The following PTPRD variants were observed in gnomAD, a reference collection of about 807,000 sequenced individuals.
PTPRD encodes the protein receptor-type tyrosine-protein phosphatase delta.
Under a neutral mutation model 214.5 loss-of-function variants are expected in PTPRD, and 34 were observed. The ratio of observed to expected loss-of-function variants is 0.16; its 90% CI spans 0.12 to 0.21. PTPRD has a LOEUF of 0.21. PTPRD is among the 10% of genes least tolerant of loss of function. The pLI is 1.00. For synonymous variants in PTPRD, 1,128 were observed against 845.7 expected (o/e 1.33, Z -5.79); for missense variants, 2,545 against 2,398.7 (o/e 1.06, Z -1.27).
At chr9:9,352,838 G>T (rs1176472120) in intron 9 of PTPRD, among the ~76,000 whole-genome samples, 2 of 151,926 alleles carry the variant, frequency 1.3e-5, no homozygotes, top group Non-Finnish European at 2.9e-5. Flanking sequence ...TTGAGAAAAA[G>T]TCATGCATAA....
chr9:8,625,322 T>C (rs529808501), intron 14 of PTPRD, among the ~76,000 whole-genome samples: 1 of 151,988 alleles, frequency 6.6e-6, no homozygotes, highest in African/African-American at 2.4e-5. Flanking sequence ...TATGAGCACA[T>C]ACTTTTCTAC....
intron 11 of PTPRD, among the ~76,000 whole-genome samples, chr9:8,751,242 T>A (rs958346367): frequency 3.3e-5 from 5 of 152,124 alleles, no homozygotes; most frequent in African/African-American, 7.2e-5. Flanking sequence ...TTAGAATTTT[T>A]ACTTAAAAAG....
intron 3 of PTPRD, among the ~76,000 whole-genome samples, chr9:10,035,209 GC>G (rs1199323477): frequency 1.3e-4 from 20 of 152,144 alleles, no homozygotes; most frequent in African/African-American, 4.8e-4. Flanking sequence ...TCAATGATGA[GC>G]TTTTTTTCAA....
At chr9:10,080,599 C>T (rs1388231429) in intron 3 of PTPRD, among the ~76,000 whole-genome samples, 2 of 152,068 alleles carry the variant, frequency 1.3e-5, no homozygotes, top group Non-Finnish European at 2.9e-5. Context: ...GTTCTACATG[C>T]AAATAACAGT....
At chr9:10,113,507 G>C (rs1005174143) in intron 3 of PTPRD, among the ~76,000 whole-genome samples, 18 of 152,144 alleles carry the variant, frequency 1.2e-4, no homozygotes, top group African/African-American at 4.1e-4. Context: ...TTGTATTAGA[G>C]ATAATGGATG....
chr9:10,016,285 G>A (rs1212178837), intron 4 of PTPRD, among the ~76,000 whole-genome samples: 1 of 152,084 alleles, frequency 6.6e-6, no homozygotes, highest in African/African-American at 2.4e-5. Context: ...CCCATTTACA[G>A]TAGTGAGTTA....
chr9:9,228,179 T>C (rs1369821360), intron 9 of PTPRD, among the ~76,000 whole-genome samples: 2 of 152,148 alleles, frequency 1.3e-5, no homozygotes, highest in African/African-American at 2.4e-5. Context: ...AAATAATTGC[T>C]ACTCTTATAA....
At chr9:9,283,747 C>A (rs1383096132) in intron 9 of PTPRD, among the ~76,000 whole-genome samples, 1 of 151,478 alleles carries the variant, frequency 6.6e-6, no homozygotes, top group Admixed American at 6.6e-5. Context: ...TTGCTGCTGC[C>A]TACATATATC....
chr9:8,385,273 T>C (rs918422644), intron 37 of PTPRD, among the ~76,000 whole-genome samples: 2 of 152,088 alleles, frequency 1.3e-5, no homozygotes, highest in African/African-American at 4.8e-5. Context: ...AAGCCTGCAG[T>C]CCAAACACTT....
chr9:9,952,631 T>C (rs754309080), intron 4 of PTPRD, among the ~76,000 whole-genome samples: 5 of 152,116 alleles, frequency 3.3e-5, no homozygotes, highest in African/African-American at 4.8e-5. Context: ...TAACTATATA[T>C]ATAATAACTA....
intron 11 of PTPRD, among the ~76,000 whole-genome samples, chr9:8,858,844 CACACAG>C (rs2098027826): frequency 1.3e-5 from 2 of 150,800 alleles, no homozygotes; most frequent in South Asian, 4.2e-4. Flanking sequence ...CACACACAGA[CACACAG>C]ACACACACAC....
rs189793235 is a variant in PTPRD at position 10,487,101 on chromosome 9, G to A, written c.-600+125297C>T. Among the ~76,000 whole-genome samples, 345 of 152,078 alleles carry A rather than the reference G, an allele frequency of 2.3e-3. 1 individual carries two copies. The highest frequency in any genetic ancestry group is 8.0e-3 in the African/African-American group (331 of 41,498). ...TATAGTTTGTCTTGAAATCTATTTG[G>A]TATCACGAGTATAGCTACTCTCACT... is the stretch of plus-strand genomic sequence containing the variant. On this transcript the variant is annotated intron_variant, in intron 2 of 45. Coordinates refer to ENST00000381196, the MANE Select transcript of PTPRD (RefSeq NM_002839.4).
intron 3 of PTPRD, among the ~76,000 whole-genome samples, chr9:10,152,623 T>C (rs2099068320): frequency 6.6e-6 from 1 of 151,970 alleles, no homozygotes; most frequent in African/African-American, 2.4e-5. Flanking sequence ...GTCAGGAGTT[T>C]GAGACCAGCC....
At chr9:9,848,244 G>T (rs1181606714) in intron 5 of PTPRD, among the ~76,000 whole-genome samples, 1 of 152,070 alleles carries the variant, frequency 6.6e-6, no homozygotes, top group Non-Finnish European at 1.5e-5. Context: ...AGATTCCCCA[G>T]TACTGCTTCT....
chr9:9,324,502 C>G (rs1214999599), intron 9 of PTPRD, among the ~76,000 whole-genome samples: 3 of 152,154 alleles, frequency 2.0e-5, no homozygotes, highest in African/African-American at 7.2e-5. Flanking sequence ...TGAGAAGTGT[C>G]TGTTCATATC....
At chr9:10,487,012 C>T (rs552684921) in intron 2 of PTPRD, among the ~76,000 whole-genome samples, 7 of 152,240 alleles carry the variant, frequency 4.6e-5, no homozygotes, top group African/African-American at 7.2e-5. Flanking sequence ...ATACTTAAAA[C>T]TGTTATATCC....
At position 10,168,848 on chromosome 9, in the gene PTPRD, C is replaced by T. The variant is rs142233617; in HGVS notation, c.-544-135058G>A. Among the ~76,000 whole-genome samples the T allele has an allele frequency of 2.4e-4, 37 of 152,166 alleles. 1 individual carries two copies. The South Asian group carries it at 5.4e-3, about 22-fold the overall frequency. ...AAATATACATATATATACACACACA[C>T]GGCGCTAGCAATTAAATCTAAAATG... On this transcript the variant is annotated intron_variant, in intron 3 of 45. Coordinates refer to ENST00000381196, the MANE Select transcript of PTPRD (RefSeq NM_002839.4).
At chr9:10,202,348 C>A (rs1307470768) in intron 3 of PTPRD, among the ~76,000 whole-genome samples, 2 of 151,898 alleles carry the variant, frequency 1.3e-5, no homozygotes, top group Admixed American at 1.3e-4. Flanking sequence ...GACCTTCTGC[C>A]TGTCATGTTA....
intron 8 of PTPRD, among the ~76,000 whole-genome samples, chr9:9,506,020 T>C (rs778554295): frequency 1.3e-5 from 2 of 151,434 alleles, no homozygotes; most frequent in South Asian, 2.1e-4. Flanking sequence ...ATTTTTCAGA[T>C]TCAAGACATA....
Sources: allele counts gnomAD v4.1 joint callset (sites outside exome capture counted in the v4.1 genomes callset), GRCh38; gene constraint gnomAD v4.1.1; transcripts MANE v1.5; gene names NCBI Gene and HGNC (gene_info 2026-07-23, HGNC 2026-07-21).